SLX9: variants seen among roughly 807,000 people sequenced by gnomAD.
SLX9 encodes the protein ribosome biogenesis protein SLX9 homolog.
A neutral mutation model predicts 20.8 loss-of-function variants in SLX9; 19 were observed. That is an observed-to-expected ratio of 0.91 (90% CI 0.64 to 1.34). The LOEUF is 1.34. SLX9 is among the 40% of genes most tolerant of loss of function. The probability of loss-of-function intolerance (pLI) is 0.00; values close to 1 mark genes in which losing one functional copy is unlikely to be tolerated. For missense variants in SLX9, 299 were observed against 322.2 expected (o/e 0.93, Z 0.55); for synonymous variants, 113 against 137.1 (o/e 0.82, Z 1.23).
intron 3 of SLX9, among the ~76,000 whole-genome samples, chr21:44,965,460 G>T (rs1397058082): frequency 6.6e-6 from 1 of 152,172 alleles, no homozygotes; most frequent in Admixed American, 6.5e-5. Context: ...CTAATGTTTT[G>T]CCCTGAAATG....
chr21:44,941,292 G>C (rs2084542847), intron 1 of SLX9, among the ~76,000 whole-genome samples: 2 of 152,088 alleles, frequency 1.3e-5, no homozygotes, highest in South Asian at 2.1e-4. Context: ...GGCCTTCTTT[G>C]AATGTATCAC....
intron 5 of SLX9, 140 bp downstream of exon 5, chr21:44,973,405 C>T (rs80213314): frequency 1.2e-4 from 70 of 597,372 alleles, no homozygotes; most frequent in African/African-American, 1.1e-4. Context: ...GCCCTCACCC[C>T]GCCCACCCTC....
chr21:44,952,894 C>T, intron 2 of SLX9, among the ~76,000 whole-genome samples: 1 of 152,238 alleles, frequency 6.6e-6, no homozygotes, highest in East Asian at 1.9e-4. Context: ...ACGTCACTGT[C>T]CTCATCGACA....
At chr21:44,961,206 T>A (rs909276926) in intron 3 of SLX9, among the ~76,000 whole-genome samples, 3 of 152,166 alleles carry the variant, frequency 2.0e-5, no homozygotes, top group African/African-American at 7.2e-5. Context: ...TCTTTGATGA[T>A]GTGTAAATTT....
intron 3 of SLX9, among the ~76,000 whole-genome samples, chr21:44,962,639 C>T (rs2084965617): frequency 6.6e-6 from 1 of 152,194 alleles, no homozygotes; most frequent in African/African-American, 2.4e-5. Context: ...ACATTCTTTA[C>T]AAGTCTTTTT....
intron 3 of SLX9, among the ~76,000 whole-genome samples, chr21:44,961,191 G>C (rs2084944149): frequency 6.6e-6 from 1 of 152,112 alleles, no homozygotes; most frequent in African/African-American, 2.4e-5. Context: ...TTTCTAGGCT[G>C]TAATTCTTTG....
At chr21:44,963,151 C>T (rs1305449099) in intron 3 of SLX9, among the ~76,000 whole-genome samples, 2 of 149,240 alleles carry the variant, frequency 1.3e-5, no homozygotes, top group African/African-American at 2.5e-5. Context: ...TGCAGTGGTG[C>T]GATCTTGGCT....
In SLX9 at chr21:44,967,180, A is replaced by G; in HGVS notation, c.499A>G (p.Ser167Gly). 6.3e-7 allele frequency: 1 copy of G among 1,578,932 alleles called. No individual in the cohort carries two copies. The highest frequency in any genetic ancestry group is 8.6e-7 in the Non-Finnish European group (1 of 1,163,374). ...LEAGSRRQAR[S>G]RESNKPRPSE... ...GGCTGGCAGCCGGCGCCAAGCCCGC[A>G]GGTGAGTGTCCGGGAGGGGTGGCCC... is the stretch of plus-strand genomic sequence containing the variant. The change falls in exon 4 of 6, where the codon AGC (serine) becomes GGC (glycine). Residue 167 changes from serine (S) to glycine (G), a missense_variant and splice_region_variant. Physicochemically the swap from Ser to Gly is moderately conservative, Grantham distance 56. Transcript: ENST00000291634.
intron 5 of SLX9, among the ~76,000 whole-genome samples, chr21:44,975,685 C>T (rs1459991510): frequency 6.6e-6 from 1 of 152,240 alleles, no homozygotes; most frequent in East Asian, 1.9e-4. Context: ...TAGTAATGTC[C>T]AGGCTGTGAC....
intron 2 of SLX9, among the ~76,000 whole-genome samples, chr21:44,952,299 C>G (rs60999979): frequency 0.021 from 3,136 of 152,362 alleles, 113 homozygotes; most frequent in African/African-American, 0.072. Flanking sequence ...CAGCCACTGC[C>G]TTTTTCTATT....
chr21:44,950,285 C>T (rs2084731599), intron 2 of SLX9, among the ~76,000 whole-genome samples: 1 of 22,344 alleles, frequency 4.5e-5, no homozygotes, highest in South Asian at 2.7e-3. Context: ...GTTGTGAAGT[C>T]AAGGGTATGA....
At chr21:44,939,951 G>GGCCGCGGGGCTCCCGGCA (rs1211562170), upstream of SLX9, 19 of 1,226,776 alleles carry the variant, frequency 1.5e-5, no homozygotes, top group South Asian at 9.8e-5. Flanking sequence ...TACTTCCGGC[G>GGCCGCGGGGCTCCCGGCA]GCCGCGGGGC....
intron 3 of SLX9, among the ~76,000 whole-genome samples, chr21:44,960,489 C>T (rs538429659): frequency 3.3e-5 from 5 of 152,376 alleles, no homozygotes; most frequent in South Asian, 2.1e-4. Flanking sequence ...CTGCTGCTCT[C>T]GGCTCCTTGT....
At position 44,976,898 on chromosome 21, in the gene SLX9, G is replaced by A. The variant is rs2085275289; in HGVS notation, c.*95G>A. The A allele has an allele frequency of 2.8e-5, 42 of 1,492,968 alleles. No individual in the cohort carries two copies. Among genetic ancestry groups the A allele is most frequent in the Admixed American group, 8.3e-5 (4 of 48,206 alleles). The allele number at this position is 1,492,968 out of a possible 1,614,324, so 92.5% of individuals were successfully genotyped here. On this transcript the variant is annotated 3_prime_UTR_variant, in exon 6 of 6. Coordinates refer to ENST00000291634, the MANE Select transcript of SLX9 (RefSeq NM_058190.4). ...GGACCATGGCCTGAGCCTGGTGGAC[G>A]CCCTTCCCTCTGGTCGGTTGTGGGG...
chr21:44,943,663 C>A, intron 1 of SLX9, 21 bp from the exon 2 acceptor site: 1 of 1,610,812 alleles, frequency 6.2e-7, no homozygotes, highest in Non-Finnish European at 8.5e-7. Flanking sequence ...TCTTTTCGTC[C>A]GTTTTTGTTG....
At chr21:44,949,434 G>A (rs1022978493) in intron 2 of SLX9, among the ~76,000 whole-genome samples, 1 of 152,108 alleles carries the variant, frequency 6.6e-6, no homozygotes, top group Admixed American at 6.5e-5. Context: ...AGCACCCTCG[G>A]CCGGGTGGAC....
chr21:44,976,099 T>C (rs1324638818), intron 5 of SLX9, among the ~76,000 whole-genome samples: 1 of 152,228 alleles, frequency 6.6e-6, no homozygotes, highest in Non-Finnish European at 1.5e-5. Flanking sequence ...AGGCCACCTT[T>C]TGTGTTCCAC....
At chr21:44,963,390 TAAA>T (rs1485615517) in intron 3 of SLX9, among the ~76,000 whole-genome samples, 10 of 149,646 alleles carry the variant, frequency 6.7e-5, no homozygotes, top group South Asian at 2.1e-4. Context: ...TTTTTTTTTT[TAAA>T]TAAACGAGAG....
intron 5 of SLX9, among the ~76,000 whole-genome samples, chr21:44,974,533 T>C (rs558211791): frequency 3.3e-5 from 5 of 152,346 alleles, no homozygotes; most frequent in African/African-American, 4.8e-5. Context: ...ATAGATAGTA[T>C]AGTAAACTGT....
Sources: allele counts gnomAD v4.1 joint callset (sites outside exome capture counted in the v4.1 genomes callset), GRCh38; gene constraint gnomAD v4.1.1; transcripts MANE v1.5; gene names NCBI Gene and HGNC (gene_info 2026-07-23, HGNC 2026-07-21).